The following GIN1 variants were observed in gnomAD, a reference collection of about 807,000 sequenced individuals.
GIN1 encodes gypsy retrotransposon integrase 1.
A neutral mutation model predicts 51.4 loss-of-function variants in GIN1; 41 were observed. The observed-to-expected ratio is 0.80, with a 90% CI of 0.62 to 1.04. GIN1 has a LOEUF of 1.04. Ranked by LOEUF, GIN1 falls within the 50% of genes least tolerant of loss-of-function variation. GIN1 has a pLI of 0.00. For synonymous variants in GIN1, 222 were observed against 206.5 expected (o/e 1.07, Z -0.64); for missense variants, 610 against 612.4 (o/e 1.00, Z 0.04).
intron 1 of GIN1, 109 bp from the exon 2 acceptor site, chr5:103,108,823 A>T (rs1787798074): frequency 2.8e-6 from 2 of 712,456 alleles, no homozygotes; most frequent in East Asian, 5.6e-5. Flanking sequence ...GAGAATTCCC[A>T]GAATTTATTT....
rs1554196356 is a variant in GIN1, at chr5:103,106,878, T to C, written c.171A>G (p.Arg57=). ...EKKLFYVGKD[R]KQNRLVIVSE... ...AAACAATTACCAAACGATTTTGTTT[T>C]CTGTCTTTTCCAACATAAAACAGCT... Residue 57 remains arginine (R), a synonymous_variant, in exon 3 of 8, where the codon AGA becomes AGG. Coordinates refer to ENST00000399004, the MANE Select transcript of GIN1 (RefSeq NM_017676.2). 1.9e-6 allele frequency: 3 copies of C among 1,583,776 alleles called. No homozygotes were observed. Among genetic ancestry groups the C allele is most frequent in the Admixed American group, 1.9e-5 (1 of 54,050 alleles).
At chr5:103,102,007 T>C (rs34822) in intron 4 of GIN1, among the ~76,000 whole-genome samples, 49,123 of 152,018 alleles carry the variant, frequency 0.32, 8,204 homozygotes, top group East Asian at 0.45. Context: ...CTTTTATATG[T>C]TGATTACTTT....
intron 1 of GIN1, among the ~76,000 whole-genome samples, chr5:103,119,843 CCAGGCCCGAAACAG>C (rs1554198263): frequency 6.6e-6 from 1 of 152,170 alleles, no homozygotes; most frequent in East Asian, 1.9e-4. Context: ...AGGCACCTCC[CCAGGCCCGAAACAG>C]CACTCGCCCT....
In GIN1 at chr5:103,096,787, T is replaced by C. The variant is rs754528315; in HGVS notation, c.1048A>G (p.Ile350Val). Reference sequence around the variant, plus strand: ...TGTTTGGGTTTCTTTTTAACAATGATCTTGCTTTTATTTAGTTCATCCAAA... The same window carrying C: ...TGTTTGGGTTTCTTTTTAACAATGACCTTGCTTTTATTTAGTTCATCCAAA... ...NNLDELNKSK[I>V]IVKKKPKQLN... The change falls in exon 7 of 8, where the codon ATC (isoleucine) becomes GTC (valine). Residue 350 changes from isoleucine to valine, a missense_variant. Ile to Val is a conservative substitution (Grantham distance 29). Coordinates refer to ENST00000399004, the MANE Select transcript of GIN1 (RefSeq NM_017676.2). The C allele has an allele frequency of 1.2e-6, 2 of 1,606,196 alleles. No homozygotes were observed. The highest frequency in any genetic ancestry group is 1.7e-6 in the Non-Finnish European group (2 of 1,173,160).
rs781906210 is a variant in GIN1, at chr5:103,115,143, C to T, written c.-8+4921G>A. ...CTGAGTAACTGCTATGTGCCAGTTA[C>T]AACGTTGGAGACAGGATAATAAACA... On this transcript the variant is annotated intron_variant, in intron 1 of 7. Coordinates refer to ENST00000399004, the MANE Select transcript of GIN1 (RefSeq NM_017676.2). Among the ~76,000 whole-genome samples, 67 of 152,240 alleles carry T rather than the reference C, an allele frequency of 4.4e-4. 1 individual carries two copies. The South Asian group carries it at 0.013, about 30-fold the overall frequency.
Position 103,087,861 on chromosome 5 carries a change from A to G in GIN1, c.*37T>C. 1.2e-6 allele frequency: 1 copy of G among 861,734 alleles called. No individual in the cohort carries two copies. Among genetic ancestry groups the G allele is most frequent in the Middle Eastern group, 3.5e-4 (1 of 2,828 alleles). The allele number at this position is 861,734 out of a possible 1,614,324, so 53.4% of individuals were successfully genotyped here. ...GAATAAGATATCATTAAGAATTTAT[A>G]TTCTAAACAAACAATTTAAATAAAT... On this transcript the variant is annotated 3_prime_UTR_variant, in exon 8 of 8. Coordinates refer to ENST00000399004, the MANE Select transcript of GIN1 (RefSeq NM_017676.2).
intron 1 of GIN1, among the ~76,000 whole-genome samples, chr5:103,115,240 T>C (rs1788000663): frequency 6.6e-6 from 1 of 152,146 alleles, no homozygotes; most frequent in Admixed American, 6.5e-5. Flanking sequence ...GTCATGTTCA[T>C]AGCCACATCA....
chr5:103,095,849 A>C (rs1419209534), intron 7 of GIN1, among the ~76,000 whole-genome samples: 6 of 152,160 alleles, frequency 3.9e-5, no homozygotes, highest in African/African-American at 1.4e-4. Flanking sequence ...GCTTGAACCC[A>C]GGAAGCAGAA....
chr5:103,096,262 C>G (rs1339350348), intron 7 of GIN1, among the ~76,000 whole-genome samples: 1 of 152,014 alleles, frequency 6.6e-6, no homozygotes, highest in East Asian at 1.9e-4. Context: ...ATTGCTTGAA[C>G]CCGGGAGGCA....
At chr5:103,101,596 T>A (rs781994782) in intron 4 of GIN1, among the ~76,000 whole-genome samples, 1 of 152,194 alleles carries the variant, frequency 6.6e-6, no homozygotes, top group Non-Finnish European at 1.5e-5. Context: ...TTTAGTATTA[T>A]CTGCTTTCAC....
In GIN1 at chr5:103,097,730, G is replaced by A. The variant is rs199822018; in HGVS notation, c.691C>T (p.His231Tyr). 1.3e-3 allele frequency: 2,096 copies of A among 1,587,722 alleles called. 6 individuals carry two copies. The highest frequency in any genetic ancestry group is 2.8e-3 in the Middle Eastern group (17 of 6,008). ...GTTGGGTTAACAGTTCCAGAGGTGTGAGAAATTACAATTTGCTTTATGCCA... is the reference window on the plus strand; with the variant it reads ...GTTGGGTTAACAGTTCCAGAGGTGTAAGAAATTACAATTTGCTTTATGCCA... ...LFGIKQIVIS[H>Y]TSGTVNPTES... The change falls in exon 5 of 8, where the codon CAC becomes TAC. Residue 231 changes from histidine to tyrosine, a missense_variant. Physicochemically the swap from His to Tyr is moderately conservative, Grantham distance 83 (BLOSUM62 2). Coordinates refer to ENST00000399004, the MANE Select transcript of GIN1 (RefSeq NM_017676.2).
At chr5:103,105,108 CT>C (rs879985140) in intron 3 of GIN1, among the ~76,000 whole-genome samples, 291 of 144,718 alleles carry the variant, frequency 2.0e-3, no homozygotes, top group African/African-American at 2.8e-3. Context: ...TTATACATGG[CT>C]TTTTTTTTTT....
At position 103,088,079 on chromosome 5, in the gene GIN1, A is replaced by G; in HGVS notation, c.1388T>C (p.Leu463Pro). 2 of 1,610,732 alleles carry G rather than the reference A, an allele frequency of 1.2e-6. No homozygotes were observed. Among genetic ancestry groups the G allele is most frequent in the Non-Finnish European group, 1.7e-6 (2 of 1,177,104 alleles). Residue 463 changes from leucine (L) to proline (P), a missense_variant, in exon 8 of 8, where the codon CTG becomes CCG. By Grantham distance (98) the Leu-to-Pro change is moderately conservative. Transcript: ENST00000399004. ...TATACCAATAGTTGCATCTTCCACC[A>G]GAATATTTGCTTGATATGCTCCAAT... ...IPIGAYQANI[L>P]VEDATIGIVD...
At chr5:103,097,208 AGTAT>A in intron 6 of GIN1, 102 bp downstream of exon 6, 1 of 681,060 alleles carries the variant, frequency 1.5e-6, no homozygotes, top group South Asian at 1.9e-5. Context: ...ATGGCAAGTA[AGTAT>A]GTGTGTGTGT....
At chr5:103,106,938 T>A (rs782297856) in intron 2 of GIN1, 29 bp from the exon 3 acceptor site, 2 of 1,256,114 alleles carry the variant, frequency 1.6e-6, no homozygotes, top group Non-Finnish European at 1.1e-6. Context: ...AAAGATAGAA[T>A]TGCAATTTTT....
chr5:103,108,570 T>G lies in GIN1; in HGVS notation c.138A>C (p.Lys46Asn). The change falls in exon 2 of 8, where the codon AAA becomes AAC. Residue 46 changes from lysine (K) to asparagine (N), a missense_variant and splice_region_variant. Lys to Asn is a moderately conservative substitution (Grantham distance 94, BLOSUM62 0). Transcript: ENST00000399004. ...IRRAAKKFVF[K>N]EKKLFYVGKD... Reference sequence around the variant, plus strand: ...TCAAAATTTGAACATTAATTTTACCTTTGAAGACAAATTTTTTTGCTGCTC... The same window carrying G: ...TCAAAATTTGAACATTAATTTTACCGTTGAAGACAAATTTTTTTGCTGCTC... 1.9e-6 allele frequency: 3 copies of G among 1,593,390 alleles called. No individual in the cohort carries two copies. The highest frequency in any genetic ancestry group is 2.6e-6 in the Non-Finnish European group (3 of 1,164,710).
At chr5:103,116,846 T>C (rs1310698079) in intron 1 of GIN1, among the ~76,000 whole-genome samples, 6 of 151,816 alleles carry the variant, frequency 4.0e-5, no homozygotes, top group Non-Finnish European at 8.8e-5. Context: ...TAATAAAAAA[T>C]GTAAACTAAA....
chr5:103,097,266 A>C, intron 6 of GIN1, 48 bp downstream of exon 6: 1 of 1,133,948 alleles, frequency 8.8e-7, no homozygotes, highest in Non-Finnish European at 1.3e-6. Context: ...AAATAAATAT[A>C]ACTTTTATAA....
At position 103,120,045 on chromosome 5, in the gene GIN1, C is replaced by T. The variant is rs1036499764; in HGVS notation, c.-8+19G>A. On this transcript the variant is annotated intron_variant, in intron 1 of 7. Transcript: ENST00000399004. ...AAAAAACAGTAGGTATGACACAGCA[C>T]ACCAGAACGACCACTCACCGAGGTG... 1.1e-5 allele frequency: 2 copies of T among 181,836 alleles called. No individual in the cohort carries two copies. The highest frequency in any genetic ancestry group is 1.1e-4 in the Admixed American group (2 of 18,234). The allele number at this position is 181,836 out of a possible 1,614,324, so 11.3% of individuals were successfully genotyped here. A position where few individuals can be genotyped will look rare whatever the true frequency, so the allele number is the denominator to read the frequency against.
Sources: allele counts gnomAD v4.1 joint callset (sites outside exome capture counted in the v4.1 genomes callset), GRCh38; gene constraint gnomAD v4.1.1; transcripts MANE v1.5; gene names NCBI Gene and HGNC (gene_info 2026-07-23, HGNC 2026-07-21).